NRG3: variants seen among roughly 807,000 people sequenced by gnomAD.
NRG3 encodes the protein pro-neuregulin-3, membrane-bound isoform.
A neutral mutation model predicts 66.9 loss-of-function variants in NRG3; 31 were observed. That is an observed-to-expected ratio of 0.46 (90% CI 0.35 to 0.63). NRG3 has a LOEUF of 0.63. Among genes scored for constraint, NRG3 ranks in the 20% least tolerant of loss-of-function variants. The probability of loss-of-function intolerance (pLI) is 0.00; values close to 1 mark genes in which losing one functional copy is unlikely to be tolerated. For synonymous variants in NRG3, 393 were observed against 359.4 expected (o/e 1.09, Z -1.06); for missense variants, 910 against 878.9 (o/e 1.04, Z -0.45).
At chr10:81,916,883 AT>A (rs1845763373) in intron 1 of NRG3, among the ~76,000 whole-genome samples, 1 of 152,196 alleles carries the variant, frequency 6.6e-6, no homozygotes, top group Non-Finnish European at 1.5e-5. Flanking sequence ...TTTACAAAAA[AT>A]GTCATGAAAT....
chr10:82,487,595 T>A (rs1590313440), intron 2 of NRG3, among the ~76,000 whole-genome samples: 1 of 152,326 alleles, frequency 6.6e-6, no homozygotes, highest in Non-Finnish European at 1.5e-5. Flanking sequence ...TGTGAATCTC[T>A]TTTTAGGCTT....
chr10:82,664,724 G>T (rs1255857434), intron 2 of NRG3, among the ~76,000 whole-genome samples: 1 of 151,804 alleles, frequency 6.6e-6, no homozygotes, highest in Admixed American at 6.6e-5. Context: ...GCACATGATG[G>T]CCGAGTATGA....
intron 2 of NRG3, among the ~76,000 whole-genome samples, chr10:82,567,403 T>C (rs1247308594): frequency 6.6e-6 from 1 of 151,898 alleles, no homozygotes; most frequent in Non-Finnish European, 1.5e-5. Flanking sequence ...AAAGAGTGTT[T>C]AAACTGGAGA....
rs1347541294 is a variant in NRG3, at chr10:82,963,691, A to T, written c.1284+4616A>T. 2.0e-5 allele frequency among the ~76,000 whole-genome samples: 3 copies of T among 150,308 alleles called. No homozygotes were observed. The East Asian group carries it at 5.8e-4, about 29-fold the overall frequency. Reference sequence around the variant, plus strand: ...CGAGACAACGTCTCAAAAAAAAATAAAAAAGAATTTGCGTTAAAATAGTAT... The same window carrying T: ...CGAGACAACGTCTCAAAAAAAAATATAAAAGAATTTGCGTTAAAATAGTAT... On this transcript the variant is annotated intron_variant, in intron 6 of 8. Coordinates refer to ENST00000372141, the MANE Select transcript of NRG3 (RefSeq NM_001010848.4).
intron 2 of NRG3, among the ~76,000 whole-genome samples, chr10:82,408,753 A>C (rs1407637744): frequency 1.3e-5 from 2 of 151,700 alleles, no homozygotes; most frequent in East Asian, 3.9e-4. Context: ...TGTAAGGTAG[A>C]TACCATGATA....
intron 1 of NRG3, chr10:82,166,875 T>G: frequency 1.6e-6 from 1 of 615,300 alleles, no homozygotes; most frequent in Non-Finnish European, 3.0e-6. Context: ...AAGGTATTTT[T>G]TTCTCAGTAG....
intron 5 of NRG3, among the ~76,000 whole-genome samples, chr10:82,953,996 T>G (rs573749949): frequency 1.3e-5 from 2 of 150,846 alleles, no homozygotes; most frequent in Admixed American, 1.3e-4. Context: ...GTAAAGGGCA[T>G]AGCAAAGTGT....
intron 1 of NRG3, among the ~76,000 whole-genome samples, chr10:82,080,956 C>T (rs1388923796): frequency 6.6e-6 from 1 of 152,166 alleles, no homozygotes; most frequent in East Asian, 1.9e-4. Context: ...CTTTCTGTCT[C>T]TATGAATTAG....
chr10:82,914,117 G>GTT (rs142606522), intron 4 of NRG3, among the ~76,000 whole-genome samples: 6 of 147,528 alleles, frequency 4.1e-5, no homozygotes, highest in Non-Finnish European at 7.5e-5. Flanking sequence ...TTCCATTTCA[G>GTT]TTTTTTTTTT....
intron 3 of NRG3, among the ~76,000 whole-genome samples, chr10:82,769,976 T>C (rs976599775): frequency 1.3e-5 from 2 of 152,110 alleles, no homozygotes; most frequent in African/African-American, 4.8e-5. Flanking sequence ...ATCCTGAGTC[T>C]GTAACTTAGC....
Position 81,890,349 on chromosome 10 carries a change from A to T in NRG3, c.823+14186A>T, listed in dbSNP as rs184886352. Among the ~76,000 whole-genome samples the T allele has an allele frequency of 5.0e-3, 753 of 152,098 alleles. 8 individuals carry two copies. Among genetic ancestry groups the T allele is most frequent in the Middle Eastern group, 0.014 (4 of 292 alleles). On this transcript the variant is annotated intron_variant, in intron 1 of 8. Coordinates refer to ENST00000372141, the MANE Select transcript of NRG3 (RefSeq NM_001010848.4). Reference sequence around the variant, plus strand: ...CATTTGAAACCCTAAATTAATTTTTAAAAAAAATCTGTTACCAGTGGTAAG... The same window carrying T: ...CATTTGAAACCCTAAATTAATTTTTTAAAAAAATCTGTTACCAGTGGTAAG...
Position 82,471,308 on chromosome 10 carries a change from C to T in NRG3, c.953+112440C>T, listed in dbSNP as rs1590243501. On this transcript the variant is annotated intron_variant, in intron 2 of 8. Transcript: ENST00000372141. ...CCCTACAAACGGTCCGAACTTCCCA[C>T]GGCTCCACCCCATTCTCCCAGTGTG... 3.3e-5 allele frequency among the ~76,000 whole-genome samples: 5 copies of T among 152,098 alleles called. No homozygotes were observed. In the East Asian group the frequency reaches 7.7e-4, roughly 24 times the overall value.
At chr10:82,729,775 C>T (rs2057795691) in intron 2 of NRG3, among the ~76,000 whole-genome samples, 1 of 152,172 alleles carries the variant, frequency 6.6e-6, no homozygotes, top group Non-Finnish European at 1.5e-5. Flanking sequence ...CTAAAAGTGA[C>T]CAATGAAGTG....
intron 2 of NRG3, among the ~76,000 whole-genome samples, chr10:82,621,018 G>C (rs1311120103): frequency 1.3e-5 from 2 of 152,132 alleles, no homozygotes; most frequent in African/African-American, 4.8e-5. Context: ...TAGTGAGATA[G>C]AGATTTTAAA....
At chr10:82,861,427 C>G in intron 3 of NRG3, among the ~76,000 whole-genome samples, 1 of 152,114 alleles carries the variant, frequency 6.6e-6, no homozygotes, top group East Asian at 1.9e-4. Context: ...TAAGAAGATT[C>G]CTACTTATCC....
At chr10:82,098,368 A>G (rs529712940) in intron 1 of NRG3, among the ~76,000 whole-genome samples, 1 of 152,030 alleles carries the variant, frequency 6.6e-6, no homozygotes, top group East Asian at 1.9e-4. Context: ...TGACATCTGT[A>G]TATGAGAAAT....
intron 2 of NRG3, among the ~76,000 whole-genome samples, chr10:82,617,184 TACAC>T (rs1325061590): frequency 7.6e-5 from 11 of 144,568 alleles, no homozygotes; most frequent in South Asian, 2.2e-4. Context: ...CACATACACA[TACAC>T]ACACACAAAC....
chr10:82,142,437 C>A (rs181343840), intron 1 of NRG3, among the ~76,000 whole-genome samples: 1 of 152,112 alleles, frequency 6.6e-6, no homozygotes, highest in African/African-American at 2.4e-5. Flanking sequence ...GTTGTGAAAC[C>A]CAGAGAGGGG....
At chr10:82,259,809 A>G (rs1236897992) in intron 1 of NRG3, among the ~76,000 whole-genome samples, 2 of 152,094 alleles carry the variant, frequency 1.3e-5, no homozygotes, top group African/African-American at 2.4e-5. Context: ...CTGCACACCT[A>G]TAGTCCCAAC....
Sources: allele counts gnomAD v4.1 joint callset (sites outside exome capture counted in the v4.1 genomes callset), GRCh38; gene constraint gnomAD v4.1.1; transcripts MANE v1.5; gene names NCBI Gene and HGNC (gene_info 2026-07-23, HGNC 2026-07-21).